DNASE2B: variants seen among roughly 807,000 people sequenced by gnomAD.
DNASE2B encodes the protein deoxyribonuclease 2 beta.
In DNASE2B, 43 loss-of-function variants were observed where a neutral mutation model predicts 46.0. That is an observed-to-expected ratio of 0.94 (90% CI 0.73 to 1.21). DNASE2B has a LOEUF of 1.21. Among genes scored for constraint, DNASE2B ranks in the 50% most tolerant of loss-of-function variants. DNASE2B has a pLI of 0.00. For missense variants in DNASE2B, 395 were observed against 414.4 expected (o/e 0.95, Z 0.41); for synonymous variants, 156 against 152.5 (o/e 1.02, Z -0.17).
At chr1:84,399,462 G>T (rs1680362478) in intron 1 of DNASE2B, among the ~76,000 whole-genome samples, 1 of 152,138 alleles carries the variant, frequency 6.6e-6, no homozygotes, top group Admixed American at 6.6e-5. Context: ...AACGAAACAT[G>T]GTTCCTACCC....
At chr1:84,404,585 A>C (rs1680470483) in intron 2 of DNASE2B, among the ~76,000 whole-genome samples, 1 of 152,166 alleles carries the variant, frequency 6.6e-6, no homozygotes. Context: ...TGAATCAGAG[A>C]CATTATGTTT....
intron 2 of DNASE2B, chr1:84,408,093 A>G (rs1178794306): frequency 6.2e-6 from 1 of 160,666 alleles, no homozygotes; most frequent in Non-Finnish European, 1.4e-5. Context: ...CATTTCCTGA[A>G]CAAATAATTC....
chr1:84,403,439 A>G (rs1431482617), intron 2 of DNASE2B, among the ~76,000 whole-genome samples: 1 of 152,198 alleles, frequency 6.6e-6, no homozygotes, highest in Non-Finnish European at 1.5e-5. Context: ...ATTAAGGAAG[A>G]GAGAATATAT....
At chr1:84,400,299 C>T (rs562331993) in intron 1 of DNASE2B, among the ~76,000 whole-genome samples, 9 of 152,010 alleles carry the variant, frequency 5.9e-5, no homozygotes, top group Non-Finnish European at 8.8e-5. Context: ...ACCCAGGAGG[C>T]GGAGGTTGTG....
At chr1:84,407,706 G>C (rs1418249440) in intron 2 of DNASE2B, among the ~76,000 whole-genome samples, 1 of 151,850 alleles carries the variant, frequency 6.6e-6, no homozygotes, top group African/African-American at 2.4e-5. Context: ...TCTAAAACAT[G>C]AAAAATAGAT....
chr1:84,398,605 T>C lies in DNASE2B; in HGVS notation c.41T>C (p.Phe14Ser), dbSNP rs758217611. ...ATGGCAAGACTGCTAAGAACATCCT[T>C]TGCTTTGCTCTTCCTTGGCCTCTTT... ...KMMARLLRTS[F>S]ALLFLGLFGV... Residue 14 changes from phenylalanine to serine, a missense_variant, in exon 1 of 6, where the codon TTT becomes TCT. By Grantham distance (155) the Phe-to-Ser change is radical (BLOSUM62 -2). Coordinates refer to ENST00000370665, the MANE Select transcript of DNASE2B (RefSeq NM_021233.3). 6.2e-7 allele frequency: 1 copy of C among 1,613,788 alleles called. No homozygotes were observed. Among genetic ancestry groups the C allele is most frequent in the African/African-American group, 1.3e-5 (1 of 74,930 alleles).
intron 2 of DNASE2B, among the ~76,000 whole-genome samples, chr1:84,407,637 T>C (rs1015133317): frequency 1.3e-5 from 2 of 152,138 alleles, no homozygotes; most frequent in Non-Finnish European, 2.9e-5. Flanking sequence ...TTGGCTTCAA[T>C]TAAAGTTGTA....
chr1:84,403,727 C>T (rs1680456024), intron 2 of DNASE2B, among the ~76,000 whole-genome samples: 1 of 151,894 alleles, frequency 6.6e-6, no homozygotes. Flanking sequence ...TCACCATTTG[C>T]TTTAGTTTCA....
intron 3 of DNASE2B, among the ~76,000 whole-genome samples, chr1:84,409,832 C>T (rs1191819651): frequency 6.6e-6 from 1 of 152,050 alleles, no homozygotes; most frequent in East Asian, 1.9e-4. Context: ...GGCATTTGTA[C>T]CAGGAGGATA....
intron 3 of DNASE2B, among the ~76,000 whole-genome samples, chr1:84,410,304 T>A (rs1680566027): frequency 6.6e-6 from 1 of 152,228 alleles, no homozygotes; most frequent in South Asian, 2.1e-4. Context: ...GCTTCCTTTT[T>A]GTCTCTTTGC....
chr1:84,404,009 G>A (rs1427429887), intron 2 of DNASE2B, among the ~76,000 whole-genome samples: 3 of 134,288 alleles, frequency 2.2e-5, no homozygotes, highest in African/African-American at 8.5e-5. Flanking sequence ...GTTTCATGAT[G>A]TTACCCAGGC....
intron 4 of DNASE2B, 92 bp downstream of exon 4, chr1:84,411,091 T>C (rs1680583659): frequency 2.1e-6 from 3 of 1,406,378 alleles, no homozygotes; most frequent in Admixed American, 4.1e-5. Flanking sequence ...CATTTGTTAA[T>C]CTATTCATAG....
In DNASE2B at chr1:84,414,813, G is replaced by A; in HGVS notation, c.1031G>A (p.Trp344Ter). 5.6e-6 allele frequency: 9 copies of A among 1,614,008 alleles called. No individual in the cohort carries two copies. Among genetic ancestry groups the A allele is most frequent in the Non-Finnish European group, 7.6e-6 (9 of 1,179,992 alleles). ...GGAGGATTCATTTGTACCCAGAATT[G>A]GCAAATTTACCAAGCATTTCAAGGA... ...RSGGFICTQNWQIYQAFQGLV... is the reference protein window; with the variant it reads ...RSGGFICTQN The change falls in exon 6 of 6, where the codon TGG becomes TAG. Residue 344 changes from tryptophan to a stop codon, truncating the protein, a stop_gained. Transcript: ENST00000370665. LOFTEE classifies it high-confidence loss of function.
Position 84,410,926 on chromosome 1 carries a change from T to C in DNASE2B, c.474T>C (p.Tyr158=), listed in dbSNP as rs758492822. 1.9e-6 allele frequency: 3 copies of C among 1,613,244 alleles called. No individual in the cohort carries two copies. In the South Asian group the frequency reaches 3.3e-5, roughly 18 times the overall value. The change falls in exon 4 of 6, where the codon TAT becomes TAC. Residue 158 remains tyrosine (Y), a synonymous_variant. Coordinates refer to ENST00000370665, the MANE Select transcript of DNASE2B (RefSeq NM_021233.3). Reference sequence around the variant, plus strand: ...CAATTCCGGAAGAAGGCTATGATTATCCACCCACAGGGAGACGAAATGGAC... The same window carrying C: ...CAATTCCGGAAGAAGGCTATGATTACCCACCCACAGGGAGACGAAATGGAC... ...FPPIPEEGYD[Y]PPTGRRNGQS...
At chr1:84,400,184 C>T (rs1680380400) in intron 1 of DNASE2B, among the ~76,000 whole-genome samples, 1 of 152,098 alleles carries the variant, frequency 6.6e-6, no homozygotes, top group Non-Finnish European at 1.5e-5. Flanking sequence ...GCCTGACCAA[C>T]ATGGAGAAAC....
chr1:84,400,778 G>GTTT lies in DNASE2B; in HGVS notation c.126-1121_126-1120insTTT, dbSNP rs746356149. 5.3e-5 allele frequency among the ~76,000 whole-genome samples: 8 copies of GTTT among 152,318 alleles called. No homozygotes were observed. The East Asian group carries it at 1.5e-3, about 29-fold the overall frequency. On this transcript the variant is annotated intron_variant, in intron 1 of 5. Coordinates refer to ENST00000370665, the MANE Select transcript of DNASE2B (RefSeq NM_021233.3). Reference sequence around the variant, plus strand: ...ATGGACATATTACTTAGCAATGTCTGTTAGAGAGAATATAAGCAACTTGTT... The same window carrying GTTT: ...ATGGACATATTACTTAGCAATGTCTGTTTTTAGAGAGAATATAAGCAACTTGTT...
intron 2 of DNASE2B, among the ~76,000 whole-genome samples, chr1:84,404,130 C>T (rs554032208): frequency 6.6e-6 from 1 of 152,130 alleles, no homozygotes; most frequent in African/African-American, 2.4e-5. Context: ...AATGATCAGA[C>T]TGCGTCTAAT....
chr1:84,411,274 T>C (rs1680586671), intron 4 of DNASE2B, among the ~76,000 whole-genome samples: 1 of 152,052 alleles, frequency 6.6e-6, no homozygotes, highest in Non-Finnish European at 1.5e-5. Context: ...GAAACAGACA[T>C]GTTACATGGG....
rs760446433 is a variant in DNASE2B, at chr1:84,414,719, A to C, written c.937A>C (p.Lys313Gln). 1.9e-6 allele frequency: 3 copies of C among 1,614,086 alleles called. No homozygotes were observed. In the African/African-American group the frequency reaches 4.0e-5, roughly 22 times the overall value. The change falls in exon 6 of 6, where the codon AAG (lysine) becomes CAG (glutamine). Residue 313 changes from lysine to glutamine, a missense_variant. Transcript: ENST00000370665. ...QDHAKWCISQ[K>Q]GTKNRWTCIG... is the part of the protein sequence containing the mutation. ...TCATGCCAAGTGGTGTATTTCCCAA[A>C]AGGGCACCAAAAATCGCTGGACATG...
Sources: allele counts gnomAD v4.1 joint callset (sites outside exome capture counted in the v4.1 genomes callset), GRCh38; gene constraint gnomAD v4.1.1; transcripts MANE v1.5; gene names NCBI Gene and HGNC (gene_info 2026-07-23, HGNC 2026-07-21).